The following SLC25A44 variants were observed in gnomAD, a reference collection of about 807,000 sequenced individuals.
The protein encoded by SLC25A44 is solute carrier family 25, member 44.
SLC25A44 carries 17 observed loss-of-function variants against 29.9 expected under a neutral mutation model. The observed-to-expected ratio is 0.57, with a 90% CI of 0.39 to 0.85. The LOEUF is 0.85. SLC25A44 is among the 40% of genes least tolerant of loss of function. The pLI is 0.00. For synonymous variants in SLC25A44, 140 were observed against 151.8 expected (o/e 0.92, Z 0.57); for missense variants, 302 against 398.4 (o/e 0.76, Z 2.06).
chr1:156,203,772 C>T (rs1300335554), intron 2 of SLC25A44, among the ~76,000 whole-genome samples: 3 of 140,978 alleles, frequency 2.1e-5, no homozygotes, highest in Non-Finnish European at 3.0e-5. Context: ...GGCGCGATCT[C>T]GGCTCACTGC....
At chr1:156,199,546 C>T (rs760158378) in intron 1 of SLC25A44, 14 of 404,406 alleles carry the variant, frequency 3.5e-5, no homozygotes, top group Admixed American at 1.7e-4. Flanking sequence ...GGTAGGGAGC[C>T]GAGGAGGCCA....
rs566883558 is a variant in SLC25A44 at position 156,210,889 on chromosome 1, A to G, written c.*458A>G. The G allele has an allele frequency of 2.4e-3, 370 of 152,242 alleles. 2 individuals are homozygous for G. Among genetic ancestry groups the G allele is most frequent in the Non-Finnish European group, 2.2e-3 (152 of 68,044 alleles). 9.4% of individuals were successfully genotyped at this position (152,242 alleles called of 1,614,324 possible). A position where few individuals can be genotyped will look rare whatever the true frequency, so the allele number is the denominator to read the frequency against. Reference sequence around the variant, plus strand: ...TAGCCTTGCTTATTTTTATTTTGGGACCGAGCTGCCCACTAGATGACTCTG... The same window carrying G: ...TAGCCTTGCTTATTTTTATTTTGGGGCCGAGCTGCCCACTAGATGACTCTG... On this transcript the variant is annotated 3_prime_UTR_variant, in exon 4 of 4. Transcript: ENST00000359511.
intron 2 of SLC25A44, among the ~76,000 whole-genome samples, chr1:156,201,867 T>C (rs973191113): frequency 2.0e-5 from 3 of 152,210 alleles, no homozygotes; most frequent in African/African-American, 7.2e-5. Flanking sequence ...CTCACTTGAC[T>C]GCATTTACAA....
rs1657285313 is a variant in SLC25A44 at position 156,211,090 on chromosome 1, G to GTA, written c.*660_*661insAT. 1 of 152,516 alleles carries GTA rather than the reference G, an allele frequency of 6.6e-6. No individual in the cohort carries two copies. The highest frequency in any genetic ancestry group is 2.1e-4 in the South Asian group (1 of 4,852). The allele number at this position is 152,516 out of a possible 1,614,324, so 9.4% of individuals were successfully genotyped here. On this transcript the variant is annotated 3_prime_UTR_variant, in exon 4 of 4. Transcript: ENST00000359511. The stretch of plus-strand genomic sequence containing the variant: ...TGTGTGTGTGTGTGTGTGTGTGTGT[G>GTA]TGTGTGTGTGTTTTAACATCTGTGA...
rs2103036030 is a variant in SLC25A44, at chr1:156,199,956, C to T, written c.109C>T (p.Pro37Ser). ...MTMMIRVSVY[P>S]FTLIRTRLQV... ...AATGATGATCCGTGTCAGTGTCTAC[C>T]CATTCACCCTCATCCGCACCCGGTT... is the stretch of plus-strand genomic sequence containing the variant. Residue 37 changes from proline (P) to serine (S), a missense_variant, in exon 2 of 4, where the codon CCA (proline) becomes TCA (serine). Transcript: ENST00000359511. 6.2e-7 allele frequency: 1 copy of T among 1,614,160 alleles called. No individual in the cohort carries two copies. The highest frequency in any genetic ancestry group is 2.2e-5 in the East Asian group (1 of 44,890).
chr1:156,208,131 T>C (rs1657074390), intron 3 of SLC25A44, 118 bp downstream of exon 3: 3 of 851,926 alleles, frequency 3.5e-6, no homozygotes, highest in Non-Finnish European at 5.7e-6. Flanking sequence ...CAGTCAGTCT[T>C]CTCCTGAACA....
At position 156,200,467 on chromosome 1, in the gene SLC25A44, A is replaced by G. The variant is rs779889106; in HGVS notation, c.620A>G (p.Tyr207Cys). The stretch of plus-strand genomic sequence containing the variant: ...GTCTGGTGGCCCTTCTATCACTTCT[A>G]TGCAGGTAAGCAGGGGCCAGGACAG... The part of the protein sequence containing the change: ...SAVWWPFYHF[Y>C]AEQLSYLCPK... The change falls in exon 2 of 4, where the codon TAT (tyrosine) becomes TGT (cysteine). Residue 207 changes from tyrosine (Y) to cysteine (C), a missense_variant. Transcript: ENST00000359511. 3 of 1,604,320 alleles carry G rather than the reference A, an allele frequency of 1.9e-6. No individual in the cohort carries two copies. Among genetic ancestry groups the G allele is most frequent in the Non-Finnish European group, 2.6e-6 (3 of 1,174,682 alleles).
chr1:156,209,431 G>A (rs896525751), intron 3 of SLC25A44, among the ~76,000 whole-genome samples: 4 of 152,198 alleles, frequency 2.6e-5, no homozygotes, highest in African/African-American at 7.2e-5. Context: ...GGGCGGAAGC[G>A]GGGGATGTTC....
At chr1:156,201,179 T>C (rs1656556080) in intron 2 of SLC25A44, among the ~76,000 whole-genome samples, 1 of 152,192 alleles carries the variant, frequency 6.6e-6, no homozygotes, top group African/African-American at 2.4e-5. Flanking sequence ...TCTCCACTCC[T>C]GTAATGTATC....
At chr1:156,208,120 C>T in intron 3 of SLC25A44, 107 bp downstream of exon 3, 1 of 948,894 alleles carries the variant, frequency 1.1e-6, no homozygotes, top group Non-Finnish European at 1.6e-6. Context: ...GCCCTCTAGT[C>T]CAGTCAGTCT....
intron 1 of SLC25A44, among the ~76,000 whole-genome samples, chr1:156,194,898 C>A (rs1656110001): frequency 6.6e-6 from 1 of 152,074 alleles, no homozygotes; most frequent in Non-Finnish European, 1.5e-5. Context: ...AAGTTTGGTT[C>A]TTATTCAGCA....
intron 2 of SLC25A44, among the ~76,000 whole-genome samples, chr1:156,206,261 T>G (rs181209315): frequency 6.1e-5 from 9 of 148,444 alleles, no homozygotes; most frequent in African/African-American, 2.2e-4. Context: ...TTTTTTGAGA[T>G]GGAGTCTTGC....
At position 156,200,063 on chromosome 1, in the gene SLC25A44, C is replaced by T. The variant is rs1656462513; in HGVS notation, c.216C>T (p.Gly72=). The change falls in exon 2 of 4, where the codon GGC becomes GGT. Residue 72 remains glycine, a synonymous_variant. Coordinates refer to ENST00000359511, the MANE Select transcript of SLC25A44 (RefSeq NM_014655.4). ...TCCTGCGAGCAGATGGTATCACTGG[C>T]CTCTACCGAGGGTTCCTGGTCAATA... is the stretch of plus-strand genomic sequence containing the variant. ...IKILRADGIT[G]LYRGFLVNTF... The T allele has an allele frequency of 1.2e-6, 2 of 1,613,996 alleles. No homozygotes were observed. Among genetic ancestry groups the T allele is most frequent in the Non-Finnish European group, 1.7e-6 (2 of 1,179,992 alleles).
intron 2 of SLC25A44, among the ~76,000 whole-genome samples, chr1:156,207,062 G>C (rs1311832673): frequency 6.6e-6 from 1 of 152,158 alleles, no homozygotes; most frequent in Non-Finnish European, 1.5e-5. Context: ...TGTTGGCCAG[G>C]TCCAGTGGCT....
At chr1:156,202,881 C>T (rs777358238) in intron 2 of SLC25A44, among the ~76,000 whole-genome samples, 5 of 152,208 alleles carry the variant, frequency 3.3e-5, no homozygotes, top group African/African-American at 7.2e-5. Flanking sequence ...TCTATAAGAA[C>T]AGGGATCATG....
At chr1:156,201,648 T>C (rs1396995566) in intron 2 of SLC25A44, among the ~76,000 whole-genome samples, 1 of 152,118 alleles carries the variant, frequency 6.6e-6, no homozygotes, top group Non-Finnish European at 1.5e-5. Flanking sequence ...TCTTCTTTTG[T>C]TTCTTCTTCC....
chr1:156,200,551 G>T (rs1656502920), intron 2 of SLC25A44, 79 bp downstream of exon 2: 1 of 1,327,886 alleles, frequency 7.5e-7, no homozygotes, highest in Non-Finnish European at 1.0e-6. Flanking sequence ...GTGCATGTTA[G>T]AGTGGAGGTG....
At chr1:156,205,335 C>A (rs1328200019) in intron 2 of SLC25A44, among the ~76,000 whole-genome samples, 1 of 152,128 alleles carries the variant, frequency 6.6e-6, no homozygotes. Context: ...AGCCACCACG[C>A]CTGGCCGAGG....
At chr1:156,203,766 C>T (rs867795011) in intron 2 of SLC25A44, among the ~76,000 whole-genome samples, 22 of 141,018 alleles carry the variant, frequency 1.6e-4, no homozygotes, top group Admixed American at 3.7e-4. Flanking sequence ...TGCAGTGGCG[C>T]GATCTCGGCT....
Sources: gnomAD v4.1 joint callset for allele counts (sites outside exome capture counted in the v4.1 genomes callset) on GRCh38, gnomAD v4.1.1 for gene constraint, MANE v1.5 for transcripts, NCBI Gene and HGNC (gene_info 2026-07-23, HGNC 2026-07-21) for gene names.